The following LRRTM4 variants were observed in gnomAD, a reference collection of about 807,000 sequenced individuals.
The protein encoded by LRRTM4 is leucine rich repeat transmembrane neuronal 4.
LRRTM4 carries 25 observed loss-of-function variants against 47.6 expected under a neutral mutation model. That is an observed-to-expected ratio of 0.53 (90% confidence interval 0.38 to 0.73). The LOEUF (loss-of-function observed/expected upper bound fraction) is 0.73, where lower values mean the gene tolerates loss of function less well. LRRTM4 is among the 30% of genes least tolerant of loss of function. The pLI is 0.00. For synonymous variants in LRRTM4, 311 were observed against 269.5 expected, an observed-to-expected ratio of 1.15 and a Z score of -1.51; for missense variants, 638 against 713.4, an observed-to-expected ratio of 0.89 and a Z score of 1.20.
At chr2:76,841,688 G>GTA (rs148111915) in intron 3 of LRRTM4, among the ~76,000 whole-genome samples, 13,686 of 148,182 alleles carry the variant, frequency 0.092, 675 homozygotes, top group Middle Eastern at 0.16. Flanking sequence ...ACTTTACTGT[G>GTA]TATATATATA....
chr2:76,991,043 G>GAC (rs982805311), intron 3 of LRRTM4, among the ~76,000 whole-genome samples: 2 of 151,754 alleles, frequency 1.3e-5, no homozygotes, highest in African/African-American at 4.8e-5. Flanking sequence ...GCTCATGAAT[G>GAC]ACTTTTGGGT....
intron 3 of LRRTM4, among the ~76,000 whole-genome samples, chr2:77,048,459 T>A (rs963384487): frequency 6.6e-6 from 1 of 152,074 alleles, no homozygotes; most frequent in African/African-American, 2.4e-5. Context: ...CTTCTTAATA[T>A]AACTTTCTTA....
intron 3 of LRRTM4, among the ~76,000 whole-genome samples, chr2:77,293,715 A>G (rs563717634): frequency 6.6e-6 from 1 of 152,238 alleles, no homozygotes; most frequent in African/African-American, 2.4e-5. Flanking sequence ...ATAATTTTCA[A>G]TCCCTTGCAA....
Position 77,440,140 on chromosome 2 carries a change from C to T in LRRTM4, c.1551+78178G>A, listed in dbSNP as rs371137549. On this transcript the variant is annotated intron_variant, in intron 3 of 3. Coordinates refer to ENST00000409884, the MANE Select transcript of LRRTM4 (RefSeq NM_001134745.3). ...ATTAAAAACCGTGTGTGAGGCCGGG[C>T]GCGGTGGCTCACGCCTGTAATCCGA... Among the ~76,000 whole-genome samples, 1,080 of 152,258 alleles carry T rather than the reference C, an allele frequency of 7.1e-3. 15 individuals are homozygous for T. The highest frequency in any genetic ancestry group is 0.025 in the African/African-American group (1,043 of 41,542).
At chr2:76,940,691 G>A (rs1022388182) in intron 3 of LRRTM4, among the ~76,000 whole-genome samples, 36 of 152,116 alleles carry the variant, frequency 2.4e-4, no homozygotes, top group East Asian at 3.9e-4. Context: ...TTTCTTAGAT[G>A]TGACAATTCT....
At chr2:76,924,755 A>G (rs1183846752) in intron 3 of LRRTM4, among the ~76,000 whole-genome samples, 1 of 152,004 alleles carries the variant, frequency 6.6e-6, no homozygotes, top group Non-Finnish European at 1.5e-5. Context: ...CATAGGAATA[A>G]TAAGACACAC....
chr2:76,766,249 C>A (rs1673452363), intron 3 of LRRTM4, among the ~76,000 whole-genome samples: 1 of 152,104 alleles, frequency 6.6e-6, no homozygotes, highest in African/African-American at 2.4e-5. Context: ...CGAATTGTTC[C>A]TTTCTTGTGC....
chr2:76,749,695 C>T (rs1282073436), intron 3 of LRRTM4, among the ~76,000 whole-genome samples: 1 of 152,096 alleles, frequency 6.6e-6, no homozygotes, highest in Non-Finnish European at 1.5e-5. Context: ...ATATAAAAAG[C>T]AGAAAATATC....
intron 3 of LRRTM4, among the ~76,000 whole-genome samples, chr2:77,084,838 A>T (rs1007927467): frequency 2.0e-5 from 3 of 152,226 alleles, no homozygotes; most frequent in Non-Finnish European, 4.4e-5. Flanking sequence ...GGTAACAATT[A>T]TAAGTGGTAG....
At chr2:77,262,179 C>T (rs1048859781) in intron 3 of LRRTM4, among the ~76,000 whole-genome samples, 1 of 152,056 alleles carries the variant, frequency 6.6e-6, no homozygotes, top group Non-Finnish European at 1.5e-5. Context: ...TTCAGGGCTC[C>T]TACTCATTCT....
intron 3 of LRRTM4, among the ~76,000 whole-genome samples, chr2:76,871,354 A>C (rs911711395): frequency 6.6e-6 from 1 of 152,162 alleles, no homozygotes; most frequent in South Asian, 2.1e-4. Flanking sequence ...TGAGGATTTG[A>C]CCATCATTGC....
intron 3 of LRRTM4, among the ~76,000 whole-genome samples, chr2:77,278,538 GA>G (rs974534825): frequency 2.2e-4 from 32 of 147,736 alleles, no homozygotes; most frequent in African/African-American, 3.2e-4. Flanking sequence ...CACATCAATT[GA>G]AAAAAAAAAT....
intron 3 of LRRTM4, among the ~76,000 whole-genome samples, chr2:76,751,712 AT>A (rs1672855486): frequency 6.6e-6 from 1 of 152,032 alleles, no homozygotes; most frequent in African/African-American, 2.4e-5. Context: ...ACCTCATAGG[AT>A]TTTTCAGGGT....
chr2:76,958,789 C>T (rs1308466733), intron 3 of LRRTM4, among the ~76,000 whole-genome samples: 4 of 151,688 alleles, frequency 2.6e-5, no homozygotes, highest in Non-Finnish European at 5.9e-5. Flanking sequence ...GTGTGTACAA[C>T]AAAATTACTG....
At chr2:77,229,105 C>T (rs1250833162) in intron 3 of LRRTM4, among the ~76,000 whole-genome samples, 2 of 152,038 alleles carry the variant, frequency 1.3e-5, no homozygotes, top group Non-Finnish European at 2.9e-5. Context: ...CTTTAAAGCC[C>T]CTTCTTAATT....
chr2:77,170,285 T>A (rs1558616736), intron 3 of LRRTM4, among the ~76,000 whole-genome samples: 1 of 152,270 alleles, frequency 6.6e-6, no homozygotes, highest in South Asian at 2.1e-4. Context: ...GCTTTGAAGA[T>A]GGAAGAAAGC....
intron 3 of LRRTM4, among the ~76,000 whole-genome samples, chr2:77,399,062 C>T (rs572529448): frequency 8.6e-5 from 13 of 151,774 alleles, no homozygotes; most frequent in African/African-American, 2.9e-4. Flanking sequence ...TGTAAGTCCC[C>T]TCAATAAACT....
chr2:77,217,735 C>A (rs1341292728), intron 3 of LRRTM4, among the ~76,000 whole-genome samples: 1 of 151,634 alleles, frequency 6.6e-6, no homozygotes, highest in Non-Finnish European at 1.5e-5. Context: ...ATCTGCAGTA[C>A]CTAAAAATTA....
intron 3 of LRRTM4, among the ~76,000 whole-genome samples, chr2:77,246,876 T>C (rs892779131): frequency 6.6e-6 from 1 of 152,150 alleles, no homozygotes; most frequent in African/African-American, 2.4e-5. Context: ...TATCATTATT[T>C]TTCCATTGTT....
Sources: gnomAD v4.1 joint callset for allele counts (sites outside exome capture counted in the v4.1 genomes callset) on GRCh38, gnomAD v4.1.1 for gene constraint, MANE v1.5 for transcripts, NCBI Gene and HGNC (gene_info 2026-07-23, HGNC 2026-07-21) for gene names.